Variants in ADAMTSL1 observed in about 807,000 individuals in gnomAD.
The protein encoded by ADAMTSL1 is ADAMTS-like protein 1.
In ADAMTSL1, 126 loss-of-function variants were observed where a neutral mutation model predicts 201.8. The observed-to-expected ratio is 0.62, with a 90% CI of 0.54 to 0.72. The LOEUF is 0.72. Ranked by LOEUF, ADAMTSL1 falls within the 30% of genes least tolerant of loss-of-function variation. ADAMTSL1 has a pLI of 0.00. For missense variants in ADAMTSL1, 2,679 were observed against 2,277.8 expected (o/e 1.18, Z -3.59); for synonymous variants, 1,121 against 903.4 (o/e 1.24, Z -4.32).
intron 1 of ADAMTSL1, among the ~76,000 whole-genome samples, chr9:18,055,342 T>G (rs1262737355): frequency 1.3e-5 from 2 of 152,198 alleles, no homozygotes; most frequent in Non-Finnish European, 2.9e-5. Flanking sequence ...ATCATCTTAC[T>G]TGTATTACCT....
At chr9:18,202,391 T>C (rs568103815) in intron 2 of ADAMTSL1, among the ~76,000 whole-genome samples, 9 of 152,350 alleles carry the variant, frequency 5.9e-5, no homozygotes, top group African/African-American at 2.2e-4. Context: ...CAGTAGTTAA[T>C]GTTCTTTCAA....
chr9:18,008,908 C>T (rs73643490), intron 1 of ADAMTSL1, among the ~76,000 whole-genome samples: 4,515 of 152,052 alleles, frequency 0.03, 185 homozygotes, highest in African/African-American at 0.093. Flanking sequence ...CTTTGTTTCA[C>T]TGTTGATCAT....
At chr9:18,866,037 G>C (rs1470135549) in intron 23 of ADAMTSL1, among the ~76,000 whole-genome samples, 1 of 145,854 alleles carries the variant, frequency 6.9e-6, no homozygotes, top group Non-Finnish European at 1.5e-5. Flanking sequence ...GCCTCTCAAA[G>C]GTGTGGAATA....
At chr9:18,171,889 T>C (rs1278502930) in intron 2 of ADAMTSL1, among the ~76,000 whole-genome samples, 2 of 152,126 alleles carry the variant, frequency 1.3e-5, no homozygotes, top group African/African-American at 4.8e-5. Flanking sequence ...GTTTCAGCTT[T>C]CTGCATATGG....
At position 18,231,170 on chromosome 9, in the gene ADAMTSL1, T is replaced by G. The variant is rs142819441; in HGVS notation, c.207+67189T>G. Among the ~76,000 whole-genome samples, 247 of 152,284 alleles carry G rather than the reference T, an allele frequency of 1.6e-3. 4 individuals carry two copies. The East Asian group carries it at 0.029, about 18-fold the overall frequency. Reference sequence around the variant, plus strand: ...AGGGTAACTACTTGGAAACTACCAATGCCCACTCCACCTACTTGTCTCACT... The same window carrying G: ...AGGGTAACTACTTGGAAACTACCAAGGCCCACTCCACCTACTTGTCTCACT... On this transcript the variant is annotated intron_variant, in intron 2 of 29. Coordinates refer to the ADAMTSL1 transcript ENST00000680146.
chr9:18,743,037 C>G (rs1265586663), intron 15 of ADAMTSL1, among the ~76,000 whole-genome samples: 1 of 152,068 alleles, frequency 6.6e-6, no homozygotes, highest in Non-Finnish European at 1.5e-5. Flanking sequence ...GATCATCTAC[C>G]CTACTAATTT....
intron 1 of ADAMTSL1, among the ~76,000 whole-genome samples, chr9:18,089,717 G>C (rs1416666275): frequency 6.6e-6 from 1 of 152,174 alleles, no homozygotes; most frequent in Non-Finnish European, 1.5e-5. Flanking sequence ...CAAACTCATA[G>C]AAGCAGAGAG....
intron 1 of ADAMTSL1, among the ~76,000 whole-genome samples, chr9:18,078,676 C>A (rs1446917685): frequency 6.6e-6 from 1 of 152,148 alleles, no homozygotes; most frequent in East Asian, 1.9e-4. Context: ...CCCCTCCAAT[C>A]GTAACCCCTA....
intron 2 of ADAMTSL1, among the ~76,000 whole-genome samples, chr9:18,279,607 A>G (rs1032865594): frequency 6.6e-6 from 1 of 152,012 alleles, no homozygotes; most frequent in Non-Finnish European, 1.5e-5. Flanking sequence ...AAGTGAAAAA[A>G]TAAGTCACTA....
At chr9:17,948,041 C>T (rs1391444715) in intron 1 of ADAMTSL1, among the ~76,000 whole-genome samples, 1 of 152,102 alleles carries the variant, frequency 6.6e-6, no homozygotes, top group Non-Finnish European at 1.5e-5. Context: ...TAAATGTCGA[C>T]AAGCATTCTG....
upstream of ADAMTSL1, chr9:18,474,073 C>CCA: frequency 2.6e-5 from 14 of 542,028 alleles, no homozygotes; most frequent in East Asian, 6.7e-5. Flanking sequence ...ACCCCCCACC[C>CCA]ATCCACCCAC....
At chr9:18,053,615 G>A (rs1424588568) in intron 1 of ADAMTSL1, among the ~76,000 whole-genome samples, 1 of 152,098 alleles carries the variant, frequency 6.6e-6, no homozygotes, top group Non-Finnish European at 1.5e-5. Context: ...GCTTGCCCAA[G>A]TCTTTCTGTT....
Position 18,533,237 on chromosome 9 carries a change from TGCAA to T in ADAMTSL1, c.192-9_192-6del. 6.2e-7 allele frequency: 1 copy of T among 1,603,560 alleles called. No individual in the cohort carries two copies. Among genetic ancestry groups the T allele is most frequent in the Admixed American group, 1.7e-5 (1 of 58,932 alleles). ...AGTAGTAATATTTCTTTTTTCTTTT[TGCAA>T]CTTAGGAGCTGTGAAGGAAGAAATA... On this transcript the variant is annotated splice_polypyrimidine_tract_variant and splice_region_variant and intron_variant, in intron 2 of 28. Coordinates refer to ENST00000380548, the MANE Select transcript of ADAMTSL1 (RefSeq NM_001040272.6).
chr9:18,703,732 A>G (rs1315442137), intron 13 of ADAMTSL1, among the ~76,000 whole-genome samples: 2 of 131,416 alleles, frequency 1.5e-5, no homozygotes, highest in Admixed American at 7.8e-5. Flanking sequence ...ATATATATAT[A>G]TATGTTTTAA....
At chr9:18,223,596 G>T (rs975806912) in intron 2 of ADAMTSL1, among the ~76,000 whole-genome samples, 3 of 151,894 alleles carry the variant, frequency 2.0e-5, no homozygotes, top group African/African-American at 7.3e-5. Flanking sequence ...AATTCAATTT[G>T]TTTATTTTTC....
chr9:18,743,443 CAA>C (rs1406620241), intron 15 of ADAMTSL1, among the ~76,000 whole-genome samples: 2 of 152,222 alleles, frequency 1.3e-5, no homozygotes, highest in South Asian at 2.1e-4. Flanking sequence ...GACGGTTTGA[CAA>C]GAGTCATATG....
Position 17,987,092 on chromosome 9 carries a change from TC to T in ADAMTSL1, c.87+80171del, listed in dbSNP as rs1168973817. Among the ~76,000 whole-genome samples, 4 of 152,196 alleles carry T rather than the reference TC, an allele frequency of 2.6e-5. No individual in the cohort carries two copies. In the South Asian group the frequency reaches 6.2e-4, roughly 24 times the overall value. ...TTTCATGGACTTAGTGAGAATAACTTCTTTTATATCATGTCTCTCTGAGTTT... is the reference window on the plus strand; with the variant it reads ...TTTCATGGACTTAGTGAGAATAACTTTTTTATATCATGTCTCTCTGAGTTT... On this transcript the variant is annotated intron_variant, in intron 1 of 29. Transcript: ENST00000680146.
rs1323012834 is a variant in ADAMTSL1 at position 18,224,652 on chromosome 9, C to G, written c.207+60671C>G. Among the ~76,000 whole-genome samples, 4 of 152,120 alleles carry G rather than the reference C, an allele frequency of 2.6e-5. No individual in the cohort carries two copies. The East Asian group carries it at 5.8e-4, about 22-fold the overall frequency. On this transcript the variant is annotated intron_variant, in intron 2 of 29. Coordinates refer to the ADAMTSL1 transcript ENST00000680146. ...AAGTCCAAAGTATCTTATGAACATCCTATGGATCCCCTAAAGTGTTACCTA... is the reference window on the plus strand; with the variant it reads ...AAGTCCAAAGTATCTTATGAACATCGTATGGATCCCCTAAAGTGTTACCTA...
intron 1 of ADAMTSL1, among the ~76,000 whole-genome samples, chr9:18,066,352 A>C (rs1414594059): frequency 6.6e-6 from 1 of 152,206 alleles, no homozygotes; most frequent in Admixed American, 6.5e-5. Flanking sequence ...ACATAGAGAA[A>C]GATAGTTACA....
Sources: allele counts gnomAD v4.1 joint callset (sites outside exome capture counted in the v4.1 genomes callset), GRCh38; gene constraint gnomAD v4.1.1; transcripts MANE v1.5; gene names NCBI Gene and HGNC (gene_info 2026-07-23, HGNC 2026-07-21).